The following DYNLRB2 variants were observed in gnomAD, a reference collection of about 807,000 sequenced individuals.
The protein encoded by DYNLRB2 is bithoraxoid-like protein.
Under a neutral mutation model 12.6 loss-of-function variants are expected in DYNLRB2, and 14 were observed. The observed-to-expected ratio is 1.11, with a 90% confidence interval of 0.73 to 1.73. The LOEUF (loss-of-function observed/expected upper bound fraction) is 1.73, where lower values mean the gene tolerates loss of function less well. Ranked by LOEUF, DYNLRB2 falls within the 40% of genes most tolerant of loss-of-function variation. The pLI is 0.00. For synonymous variants in DYNLRB2, 53 were observed against 37.0 expected, an observed-to-expected ratio of 1.43 and a Z score of -1.57; for missense variants, 142 against 117.7, an observed-to-expected ratio of 1.21 and a Z score of -0.95.
Position 80,541,106 on chromosome 16 carries a change from C to T in DYNLRB2, c.3+27C>T, listed in dbSNP as rs781150308. 5 of 1,606,316 alleles carry T rather than the reference C, an allele frequency of 3.1e-6. No homozygotes were observed. The Admixed American group carries it at 6.7e-5, about 22-fold the overall frequency. The stretch of plus-strand genomic sequence containing the variant: ...TAAATCTGGGGTCTCCGTCCACGCC[C>T]CGCCGTTCCAAGCACGCCGACCGTC... On this transcript the variant is annotated intron_variant, in intron 1 of 3. Coordinates refer to ENST00000305904, the MANE Select transcript of DYNLRB2 (RefSeq NM_130897.3).
At chr16:80,547,763 C>T (rs571940984) in intron 2 of DYNLRB2, 16 of 456,410 alleles carry the variant, frequency 3.5e-5, no homozygotes, top group East Asian at 2.1e-4. Context: ...TAAAGATCCA[C>T]GCTTTGTGAC....
Position 80,550,656 on chromosome 16 carries a change from A to G in DYNLRB2, c.*98A>G, listed in dbSNP as rs1904788441. The G allele has an allele frequency of 7.5e-7, 1 of 1,324,878 alleles. No homozygotes were observed. Among genetic ancestry groups the G allele is most frequent in the Non-Finnish European group, 1.1e-6 (1 of 920,406 alleles). The allele number at this position is 1,324,878 out of a possible 1,614,324, so 82.1% of individuals were successfully genotyped here. On this transcript the variant is annotated 3_prime_UTR_variant, in exon 4 of 4. Coordinates refer to ENST00000305904, the MANE Select transcript of DYNLRB2 (RefSeq NM_130897.3). ...CTATTTCAATCTAACTGACCCTTCA[A>G]ACATTCTTTTCTATTTCTATATCTA...
chr16:80,547,383 C>T (rs1234179837), intron 2 of DYNLRB2, among the ~76,000 whole-genome samples: 1 of 152,112 alleles, frequency 6.6e-6, no homozygotes, highest in Non-Finnish European at 1.5e-5. Context: ...AAAATTACTT[C>T]TCAATAATTT....
chr16:80,542,637 G>A (rs984234178), intron 1 of DYNLRB2, among the ~76,000 whole-genome samples: 7 of 152,124 alleles, frequency 4.6e-5, no homozygotes, highest in East Asian at 1.9e-4. Context: ...ATAAGATTCC[G>A]AATGAGTTTA....
chr16:80,540,965 A>T (rs990760734), upstream of DYNLRB2: 14 of 1,561,916 alleles, frequency 9.0e-6, no homozygotes, highest in South Asian at 2.3e-5. Flanking sequence ...CGCAGCCCTG[A>T]CGCTTCCGTG....
chr16:80,547,096 C>T (rs895673943), intron 2 of DYNLRB2, among the ~76,000 whole-genome samples: 1 of 152,208 alleles, frequency 6.6e-6, no homozygotes, highest in African/African-American at 2.4e-5. Flanking sequence ...AGCCTAAATG[C>T]TCATCAGCAG....
intron 2 of DYNLRB2, among the ~76,000 whole-genome samples, chr16:80,547,311 G>A (rs9931700): frequency 0.22 from 33,952 of 152,008 alleles, 3,956 homozygotes; most frequent in Middle Eastern, 0.3. Flanking sequence ...TCTCTAGAAG[G>A]CTTCTAAGAA....
Position 80,541,066 on chromosome 16 carries a change from C to T in DYNLRB2, c.-11C>T, listed in dbSNP as rs368032058. 2 of 1,607,572 alleles carry T rather than the reference C, an allele frequency of 1.2e-6. No individual in the cohort carries two copies. Among genetic ancestry groups the T allele is most frequent in the African/African-American group, 2.7e-5 (2 of 74,852 alleles). ...CCGCCGGCCTGAGCCCAGAGTTTCG[C>T]GGCCTCCGCGATGGTAAATCTGGGG... On this transcript the variant is annotated 5_prime_UTR_variant, in exon 1 of 4. Coordinates refer to ENST00000305904, the MANE Select transcript of DYNLRB2 (RefSeq NM_130897.3).
intron 2 of DYNLRB2, among the ~76,000 whole-genome samples, chr16:80,547,192 A>G (rs1904526745): frequency 1.3e-5 from 2 of 152,194 alleles, no homozygotes; most frequent in Non-Finnish European, 2.9e-5. Flanking sequence ...GAATCAAACA[A>G]TTTCCAAAGA....
chr16:80,545,916 A>G (rs9939672), intron 2 of DYNLRB2, among the ~76,000 whole-genome samples: 148,178 of 150,926 alleles, frequency 0.98, 72,793 homozygotes, highest in Middle Eastern at 1. Context: ...TGATCCACCC[A>G]CCTCGGCCTC....
intron 3 of DYNLRB2, among the ~76,000 whole-genome samples, 185 bp from the exon 4 acceptor site, chr16:80,550,330 C>G (rs1341592947): frequency 6.6e-6 from 1 of 152,166 alleles, no homozygotes; most frequent in African/African-American, 2.4e-5. Flanking sequence ...ATCAGAATCT[C>G]TGAGGCCCTA....
intron 2 of DYNLRB2, among the ~76,000 whole-genome samples, chr16:80,548,520 G>A (rs1258801846): frequency 1.3e-5 from 2 of 152,144 alleles, no homozygotes; most frequent in Non-Finnish European, 1.5e-5. Flanking sequence ...CTGAGGTCAG[G>A]AGTTCAGCCT....
chr16:80,548,658 G>GT (rs1259416164), intron 2 of DYNLRB2, among the ~76,000 whole-genome samples: 4 of 151,016 alleles, frequency 2.6e-5, no homozygotes, highest in Non-Finnish European at 5.9e-5. Flanking sequence ...GGAGGCAGAG[G>GT]TTGCAATGAG....
rs573335193 is a variant in DYNLRB2 at position 80,547,463 on chromosome 16, G to C, written c.80-2021G>C. On this transcript the variant is annotated intron_variant, in intron 2 of 3. Transcript: ENST00000305904. ...TTGTTGATTGATTTTTTCCAAGTGT[G>C]TATGGCGGATATGAAAAACTCCATG... Among the ~76,000 whole-genome samples, 9 of 152,062 alleles carry C rather than the reference G, an allele frequency of 5.9e-5. No individual in the cohort carries two copies. In the South Asian group the frequency reaches 1.9e-3, roughly 32 times the overall value.
intron 2 of DYNLRB2, chr16:80,547,677 G>C (rs933709389): frequency 2.2e-5 from 10 of 445,250 alleles, no homozygotes; most frequent in African/African-American, 1.8e-4. Context: ...CACTACTTAG[G>C]ATGCAAAATA....
chr16:80,545,143 T>C (rs952303810), intron 2 of DYNLRB2, among the ~76,000 whole-genome samples: 4 of 152,096 alleles, frequency 2.6e-5, no homozygotes, highest in African/African-American at 9.7e-5. Flanking sequence ...TGGTCTAAAG[T>C]AGGTAATCCT....
intron 1 of DYNLRB2, among the ~76,000 whole-genome samples, chr16:80,542,193 G>T (rs989986401): frequency 6.6e-6 from 1 of 152,102 alleles, no homozygotes; most frequent in Admixed American, 6.5e-5. Flanking sequence ...TTCTATTTAT[G>T]AGGAATAACG....
Position 80,550,651 on chromosome 16 carries a change from C to G in DYNLRB2, c.*93C>G. The G allele has an allele frequency of 7.4e-7, 1 of 1,346,154 alleles. No homozygotes were observed. Among genetic ancestry groups the G allele is most frequent in the Non-Finnish European group, 1.1e-6 (1 of 939,306 alleles). The allele number at this position is 1,346,154 out of a possible 1,614,324, so 83.4% of individuals were successfully genotyped here. A position where few individuals can be genotyped will look rare whatever the true frequency, so the allele number is the denominator to read the frequency against. On this transcript the variant is annotated 3_prime_UTR_variant, in exon 4 of 4. Transcript: ENST00000305904. ...AAATTCTATTTCAATCTAACTGACCCTTCAAACATTCTTTTCTATTTCTAT... is the reference window on the plus strand; with the variant it reads ...AAATTCTATTTCAATCTAACTGACCGTTCAAACATTCTTTTCTATTTCTAT...
chr16:80,548,269 C>G (rs76329140), intron 2 of DYNLRB2: 4 of 162,046 alleles, frequency 2.5e-5, no homozygotes, highest in Admixed American at 1.8e-4. Flanking sequence ...GGATTAGATA[C>G]GATATATATA....
Sources: gnomAD v4.1 joint callset for allele counts (sites outside exome capture counted in the v4.1 genomes callset) on GRCh38, gnomAD v4.1.1 for gene constraint, MANE v1.5 for transcripts, NCBI Gene and HGNC (gene_info 2026-07-23, HGNC 2026-07-21) for gene names.